Variants in CREB5 observed in about 807,000 individuals in gnomAD.
CREB5 encodes the protein cyclic AMP-responsive element-binding protein 5.
A neutral mutation model predicts 57.1 loss-of-function variants in CREB5; 19 were observed. That is an observed-to-expected ratio of 0.33 (90% CI 0.23 to 0.49). The LOEUF (loss-of-function observed/expected upper bound fraction) is 0.49. Among genes scored for constraint, CREB5 ranks in the 20% least tolerant of loss-of-function variants. CREB5 has a pLI of 0.99. For synonymous variants in CREB5, 238 were observed against 238.3 expected, an observed-to-expected ratio of 1.00 and a Z score of 0.01; for missense variants, 579 against 671.6, an observed-to-expected ratio of 0.86 and a Z score of 1.52.
chr7:28,681,270 T>C (rs75658126), intron 5 of CREB5, among the ~76,000 whole-genome samples: 5,496 of 152,286 alleles, frequency 0.036, 266 homozygotes, highest in East Asian at 0.13. Context: ...GAAAAAGAAC[T>C]TTCAGGAGGC....
intron 5 of CREB5, 75 bp from the exon 6 acceptor site, chr7:28,718,678 C>T (rs2128746525): frequency 1.3e-6 from 2 of 1,581,582 alleles, no homozygotes; most frequent in Non-Finnish European, 1.7e-6. Flanking sequence ...ATTGTTGTCC[C>T]TGCTGTTCTG....
chr7:28,350,112 T>C (rs1786158232), intron 1 of CREB5, among the ~76,000 whole-genome samples: 1 of 152,228 alleles, frequency 6.6e-6, no homozygotes, highest in African/African-American at 2.4e-5. Context: ...GACAAAGTGT[T>C]TACTTTTGTC....
chr7:28,348,990 G>A (rs118098103), intron 1 of CREB5, among the ~76,000 whole-genome samples: 3,914 of 152,300 alleles, frequency 0.026, 105 homozygotes, highest in Admixed American at 0.058. Context: ...AAGACATGTG[G>A]TGTAGGAAAC....
intron 1 of CREB5, among the ~76,000 whole-genome samples, chr7:28,364,485 T>C (rs985574465): frequency 2.0e-5 from 3 of 152,236 alleles, no homozygotes; most frequent in African/African-American, 7.2e-5. Flanking sequence ...TAGAATGCAC[T>C]GAGAGTGCAT....
In CREB5 at chr7:28,436,291, T is replaced by C. The variant is rs932274921; in HGVS notation, c.3+23374T>C. Among the ~76,000 whole-genome samples, 8 of 152,280 alleles carry C rather than the reference T, an allele frequency of 5.3e-5. No individual in the cohort carries two copies. In the South Asian group the frequency reaches 1.2e-3, roughly 24 times the overall value. On this transcript the variant is annotated intron_variant, in intron 1 of 10. Coordinates refer to ENST00000357727, the MANE Select transcript of CREB5 (RefSeq NM_182898.4). ...TTTGTGCATATGGCCTTTCCACTTA[T>C]GTTTTCCAATGTTTCTTAAACATAT...
intron 7 of CREB5, among the ~76,000 whole-genome samples, chr7:28,803,865 A>G (rs1808528954): frequency 6.6e-6 from 1 of 152,008 alleles, no homozygotes; most frequent in African/African-American, 2.4e-5. Context: ...GCTTGCATTC[A>G]GTTGTAGATA....
intron 7 of CREB5, among the ~76,000 whole-genome samples, chr7:28,755,049 AT>A (rs2095306480): frequency 6.6e-6 from 1 of 152,138 alleles, no homozygotes; most frequent in East Asian, 1.9e-4. Context: ...ACCAAATCCT[AT>A]AGAGTTCATC....
At chr7:28,654,898 G>A (rs776693249) in intron 5 of CREB5, among the ~76,000 whole-genome samples, 6 of 152,026 alleles carry the variant, frequency 3.9e-5, no homozygotes, top group South Asian at 2.1e-4. Context: ...CCTAGTCGGG[G>A]TTTACAGGTG....
intron 1 of CREB5, among the ~76,000 whole-genome samples, chr7:28,468,802 A>G (rs1790692123): frequency 6.6e-6 from 1 of 152,238 alleles, no homozygotes; most frequent in Non-Finnish European, 1.5e-5. Context: ...TCTTCACGAC[A>G]GACCTATGAG....
At chr7:28,790,083 A>T (rs750850077) in intron 7 of CREB5, among the ~76,000 whole-genome samples, 25 of 152,222 alleles carry the variant, frequency 1.6e-4, no homozygotes, top group Non-Finnish European at 3.2e-4. Context: ...ACTTTTTATT[A>T]CTTACGTTTA....
chr7:28,822,232 T>C lies in CREB5; in HGVS notation c.*2953T>C, dbSNP rs893010378. The C allele has an allele frequency of 6.6e-6, 1 of 152,226 alleles. No homozygotes were observed. The highest frequency in any genetic ancestry group is 1.5e-5 in the Non-Finnish European group (1 of 68,028). 9.4% of individuals were successfully genotyped at this position (152,226 alleles called of 1,614,324 possible). A position where few individuals can be genotyped will look rare whatever the true frequency, so the allele number is the denominator to read the frequency against. ...ATTCACGGTATGGAAATACAGTAAA[T>C]GAAAGATTCCAACTAGTTGTCAGTG... On this transcript the variant is annotated 3_prime_UTR_variant, in exon 11 of 11. Transcript: ENST00000357727.
chr7:28,737,916 T>G (rs959121137), intron 7 of CREB5, among the ~76,000 whole-genome samples: 14 of 152,298 alleles, frequency 9.2e-5, no homozygotes, highest in South Asian at 4.1e-4. Flanking sequence ...TAAGATTTTT[T>G]ACAAATAGTT....
At chr7:28,582,783 G>A (rs546439170) in intron 5 of CREB5, among the ~76,000 whole-genome samples, 151 of 152,306 alleles carry the variant, frequency 9.9e-4, no homozygotes, top group South Asian at 4.8e-3. Flanking sequence ...TTCCATCAGA[G>A]CCTTGAGGAA....
At chr7:28,369,915 G>A (rs1413096505) in intron 1 of CREB5, among the ~76,000 whole-genome samples, 1 of 152,138 alleles carries the variant, frequency 6.6e-6, no homozygotes, top group Non-Finnish European at 1.5e-5. Flanking sequence ...CCTGGCTCAT[G>A]TTCTGCTTCT....
intron 5 of CREB5, among the ~76,000 whole-genome samples, chr7:28,599,687 G>A (rs1467155560): frequency 6.6e-6 from 1 of 152,182 alleles, no homozygotes; most frequent in Non-Finnish European, 1.5e-5. Context: ...TGATGAATGA[G>A]TAACTTTAGT....
chr7:28,747,188 CAGAT>C (rs1299578343), intron 7 of CREB5, among the ~76,000 whole-genome samples: 1 of 151,358 alleles, frequency 6.6e-6, no homozygotes, highest in Non-Finnish European at 1.5e-5. Context: ...ACAAGAAAGA[CAGAT>C]GGAGAGGAAA....
intron 7 of CREB5, among the ~76,000 whole-genome samples, chr7:28,768,003 G>T (rs566013405): frequency 2.0e-5 from 3 of 152,214 alleles, no homozygotes; most frequent in Non-Finnish European, 4.4e-5. Context: ...ATTGGTCTAA[G>T]ATCCCCATAA....
At chr7:28,455,545 T>A (rs913363520) in intron 1 of CREB5, among the ~76,000 whole-genome samples, 5 of 152,220 alleles carry the variant, frequency 3.3e-5, no homozygotes, top group African/African-American at 1.2e-4. Context: ...GACTCTCAGG[T>A]AGTGGCAAGA....
intron 7 of CREB5, among the ~76,000 whole-genome samples, chr7:28,777,306 T>A (rs1019915638): frequency 1.3e-4 from 20 of 152,226 alleles, no homozygotes; most frequent in African/African-American, 4.6e-4. Context: ...TCTAACAATT[T>A]TATACTTGCC....
Sources: allele counts gnomAD v4.1 joint callset (sites outside exome capture counted in the v4.1 genomes callset), GRCh38; gene constraint gnomAD v4.1.1; transcripts MANE v1.5; gene names NCBI Gene and HGNC (gene_info 2026-07-23, HGNC 2026-07-21).